The following GYPC variants were observed in gnomAD, a reference collection of about 807,000 sequenced individuals.
GYPC encodes the protein glycophorin C (Gerbich blood group).
GYPC carries 14 observed loss-of-function variants against 12.6 expected under a neutral mutation model. The observed-to-expected ratio is 1.11, with a 90% CI of 0.74 to 1.74. GYPC has a LOEUF of 1.74. GYPC is among the 40% of genes most tolerant of loss of function. The probability of loss-of-function intolerance (pLI) is 0.00; values close to 1 mark genes in which losing one functional copy is unlikely to be tolerated. For synonymous variants in GYPC, 78 were observed against 62.1 expected (o/e 1.26, Z -1.20); for missense variants, 225 against 172.1 (o/e 1.31, Z -1.72).
rs28387135 is a variant in GYPC, at chr2:126,673,234, G to A, written c.49+16922G>A. Among the ~76,000 whole-genome samples the A allele has an allele frequency of 2.1e-3, 318 of 152,202 alleles. 3 individuals are homozygous for A. Among genetic ancestry groups the A allele is most frequent in the African/African-American group, 7.4e-3 (306 of 41,518 alleles). ...GCCAGGACAAGAATCCAGTTGCTCC[G>A]GAAGAGACTGACTCCTGATTCCTGC... is the stretch of plus-strand genomic sequence containing the variant. On this transcript the variant is annotated intron_variant, in intron 1 of 3. Transcript: ENST00000259254.
chr2:126,661,387 GAATTGC>G (rs1682531397), intron 1 of GYPC, among the ~76,000 whole-genome samples: 1 of 152,100 alleles, frequency 6.6e-6, no homozygotes, highest in African/African-American at 2.4e-5. Context: ...ACTCTCTATG[GAATTGC>G]ATTCTAGTCT....
intron 1 of GYPC, among the ~76,000 whole-genome samples, chr2:126,668,086 C>A (rs1682736051): frequency 6.6e-6 from 1 of 152,194 alleles, no homozygotes; most frequent in Non-Finnish European, 1.5e-5. Context: ...AAGGCCACAT[C>A]TTCCTGAACT....
chr2:126,661,536 T>C (rs915045341), intron 1 of GYPC, among the ~76,000 whole-genome samples: 6 of 151,714 alleles, frequency 4.0e-5, no homozygotes, highest in Non-Finnish European at 7.4e-5. Flanking sequence ...CACTGCAACC[T>C]GCGTCTCCTG....
At chr2:126,679,749 C>T (rs1244576088) in intron 1 of GYPC, 1 of 152,166 alleles carries the variant, frequency 6.6e-6, no homozygotes, top group Non-Finnish European at 1.5e-5. Context: ...TGGTGCATAC[C>T]TGTAATCTCA....
intron 1 of GYPC, chr2:126,686,459 C>T: frequency 3.0e-6 from 3 of 985,522 alleles, no homozygotes; most frequent in Non-Finnish European, 3.6e-6. Flanking sequence ...TGGCAAATCC[C>T]ATGGATGAAA....
chr2:126,682,496 C>T (rs1035034519), intron 1 of GYPC, among the ~76,000 whole-genome samples: 1 of 152,152 alleles, frequency 6.6e-6, no homozygotes, highest in Admixed American at 6.5e-5. Flanking sequence ...TCATCTCTGT[C>T]AGGGTGGGGT....
intron 1 of GYPC, 23 bp from the exon 2 acceptor site, chr2:126,690,232 A>G (rs746877682): frequency 6.3e-7 from 1 of 1,595,850 alleles, no homozygotes; most frequent in South Asian, 1.1e-5. Context: ...CTCTGACCTC[A>G]GATTCTTGTC....
At chr2:126,671,310 T>A (rs1449226150) in intron 1 of GYPC, among the ~76,000 whole-genome samples, 1 of 152,202 alleles carries the variant, frequency 6.6e-6, no homozygotes, top group Non-Finnish European at 1.5e-5. Context: ...ACTGGGCAGG[T>A]GCCGGAGGGA....
At chr2:126,676,775 A>G (rs1303535627) in intron 1 of GYPC, among the ~76,000 whole-genome samples, 1 of 152,188 alleles carries the variant, frequency 6.6e-6, no homozygotes, top group East Asian at 1.9e-4. Context: ...TGGGGCAGGG[A>G]CAGTGAAGAG....
chr2:126,687,625 G>A (rs573256107), intron 1 of GYPC, among the ~76,000 whole-genome samples: 1 of 152,304 alleles, frequency 6.6e-6, no homozygotes, highest in East Asian at 1.9e-4. Context: ...GGTGGGGTGG[G>A]GGGCATGGAG....
At chr2:126,685,914 G>A in intron 1 of GYPC, 3 of 985,308 alleles carry the variant, frequency 3.0e-6, no homozygotes, top group Non-Finnish European at 3.6e-6. Flanking sequence ...AGAACACCTA[G>A]GTGTTCTAGT....
chr2:126,660,269 G>T (rs1456405357), intron 1 of GYPC, among the ~76,000 whole-genome samples: 1 of 152,240 alleles, frequency 6.6e-6, no homozygotes, highest in African/African-American at 2.4e-5. Context: ...TTGTGTCCAT[G>T]CTGTGCTTTC....
intron 1 of GYPC, among the ~76,000 whole-genome samples, chr2:126,669,121 C>T (rs17741574): frequency 0.3 from 45,781 of 152,118 alleles, 8,063 homozygotes; most frequent in Non-Finnish European, 0.41. Flanking sequence ...AATTAAAATC[C>T]TGTGCTTGAA....
chr2:126,680,952 G>A (rs1246404843), intron 1 of GYPC, among the ~76,000 whole-genome samples: 3 of 152,176 alleles, frequency 2.0e-5, no homozygotes, highest in South Asian at 2.1e-4. Context: ...GGAGCAAGGC[G>A]GGCAGGTCAG....
intron 1 of GYPC, among the ~76,000 whole-genome samples, chr2:126,668,838 G>T (rs998993088): frequency 1.3e-5 from 2 of 152,218 alleles, no homozygotes; most frequent in Non-Finnish European, 1.5e-5. Context: ...TCAAAGCCTT[G>T]TTGGGCTTCT....
intron 1 of GYPC, 25 bp from the exon 2 acceptor site, chr2:126,690,230 T>C (rs1186063036): frequency 1.3e-6 from 2 of 1,591,566 alleles, no homozygotes; most frequent in Admixed American, 1.7e-5. Context: ...CTCTCTGACC[T>C]CAGATTCTTG....
At chr2:126,673,792 A>G (rs904529675) in intron 1 of GYPC, among the ~76,000 whole-genome samples, 2 of 152,198 alleles carry the variant, frequency 1.3e-5, no homozygotes, top group Admixed American at 6.5e-5. Context: ...GTGTACACAC[A>G]TACATGCACA....
chr2:126,685,242 A>C (rs1353257348), intron 1 of GYPC, among the ~76,000 whole-genome samples: 1 of 152,204 alleles, frequency 6.6e-6, no homozygotes, highest in Non-Finnish European at 1.5e-5. Flanking sequence ...GTAGGAAGAA[A>C]AACCACAGTG....
intron 1 of GYPC, among the ~76,000 whole-genome samples, chr2:126,663,456 G>A (rs1023233530): frequency 2.0e-5 from 3 of 152,146 alleles, no homozygotes; most frequent in African/African-American, 2.4e-5. Flanking sequence ...CTTACCTTCC[G>A]GAGCTCCATT....
Sources: gnomAD v4.1 joint callset for allele counts (sites outside exome capture counted in the v4.1 genomes callset) on GRCh38, gnomAD v4.1.1 for gene constraint, MANE v1.5 for transcripts, NCBI Gene and HGNC (gene_info 2026-07-23, HGNC 2026-07-21) for gene names.